Variants in IFT25 observed in about 807,000 individuals in gnomAD.
IFT25 encodes intraflagellar transport 25.
chr1:53,914,495 T>C, the IFT25 span, among the ~76,000 whole-genome samples: 1 of 152,010 alleles, frequency 6.6e-6, no homozygotes, highest in Non-Finnish European at 1.5e-5. Context: ...ATAAAATTCA[T>C]ATCCCATTAT....
the IFT25 span, among the ~76,000 whole-genome samples, chr1:53,943,717 G>A: frequency 6.6e-6 from 1 of 151,924 alleles, no homozygotes; most frequent in Admixed American, 6.6e-5. Flanking sequence ...TCTGCCTCCC[G>A]GGCTCAAGCG....
chr1:53,926,472 AAAT>A, the IFT25 span, among the ~76,000 whole-genome samples: 2 of 152,216 alleles, frequency 1.3e-5, no homozygotes, highest in African/African-American at 4.8e-5. Context: ...ATCCATTTCT[AAAT>A]AATAATTCTT....
the IFT25 span, chr1:53,928,302 T>G: frequency 1.2e-4 from 144 of 1,222,654 alleles, no homozygotes; most frequent in Middle Eastern, 1.9e-4. Flanking sequence ...TGCAGCTAGA[T>G]GAGAAATGCA....
chr1:53,914,627 CTGAT>C, the IFT25 span, among the ~76,000 whole-genome samples: 1 of 152,006 alleles, frequency 6.6e-6, no homozygotes, highest in African/African-American at 2.4e-5. Flanking sequence ...ATTCCTTTAT[CTGAT>C]TATTAGGCTA....
chr1:53,925,327 T>A, the IFT25 span, among the ~76,000 whole-genome samples: 3 of 152,286 alleles, frequency 2.0e-5, no homozygotes, highest in African/African-American at 7.2e-5. Context: ...AAATTAATAA[T>A]AAACTTTTTC....
chr1:53,925,444 A>G, the IFT25 span, among the ~76,000 whole-genome samples: 1 of 151,470 alleles, frequency 6.6e-6, no homozygotes, highest in Non-Finnish European at 1.5e-5. Flanking sequence ...GCAGATCACA[A>G]GGTCAGGAGA....
chr1:53,931,652 G>A, the IFT25 span, among the ~76,000 whole-genome samples: 1 of 152,126 alleles, frequency 6.6e-6, no homozygotes, highest in Non-Finnish European at 1.5e-5. Flanking sequence ...AAATGTATTA[G>A]CTTAAATTTG....
chr1:53,933,096 G>C, the IFT25 span, among the ~76,000 whole-genome samples: 1 of 150,224 alleles, frequency 6.7e-6, no homozygotes, highest in Admixed American at 6.6e-5. Context: ...CTATTATTAG[G>C]TCCATATACA....
the IFT25 span, among the ~76,000 whole-genome samples, chr1:53,933,804 C>G: frequency 6.6e-6 from 1 of 152,108 alleles, no homozygotes; most frequent in Non-Finnish European, 1.5e-5. Flanking sequence ...TGTTTCTTCT[C>G]TCCTGTTTCT....
the IFT25 span, among the ~76,000 whole-genome samples, chr1:53,912,729 A>G: frequency 6.6e-6 from 1 of 152,166 alleles, no homozygotes; most frequent in East Asian, 1.9e-4. Flanking sequence ...TTCAATTCCA[A>G]TCCTTTTGTT....
At chr1:53,937,445 TAC>T in the IFT25 span, among the ~76,000 whole-genome samples, 1 of 152,178 alleles carries the variant, frequency 6.6e-6, no homozygotes, top group South Asian at 2.1e-4. Flanking sequence ...GTCTACAATA[TAC>T]AGTCTAATTA....
the IFT25 span, chr1:53,945,920 G>C: frequency 9.9e-6 from 1 of 100,942 alleles, no homozygotes; most frequent in Admixed American, 1.0e-4. Flanking sequence ...GGGCGCGCTC[G>C]CTCCTACCCC....
the IFT25 span, chr1:53,929,523 T>C: frequency 6.6e-6 from 1 of 152,262 alleles, no homozygotes; most frequent in East Asian, 1.9e-4. Context: ...TTTAAATAAA[T>C]AGGATTAGAA....
the IFT25 span, among the ~76,000 whole-genome samples, chr1:53,920,393 CTTTT>C: frequency 1.5e-5 from 2 of 136,074 alleles, no homozygotes; most frequent in South Asian, 2.3e-4. Flanking sequence ...TCAAATTGCC[CTTTT>C]TTTTTTTTTT....
the IFT25 span, among the ~76,000 whole-genome samples, chr1:53,943,990 T>A: frequency 6.6e-6 from 1 of 152,250 alleles, no homozygotes; most frequent in Non-Finnish European, 1.5e-5. Context: ...GGAAAGAATG[T>A]ACTCTCCAAA....
chr1:53,939,985 C>T, the IFT25 span: 1 of 1,548,510 alleles, frequency 6.5e-7, no homozygotes, highest in East Asian at 2.2e-5. Context: ...TAACTCTTAC[C>T]CATCAATGAT....
At chr1:53,939,826 CAATT>C in the IFT25 span, 91 of 594,568 alleles carry the variant, frequency 1.5e-4, no homozygotes, top group Non-Finnish European at 1.6e-4. Flanking sequence ...ATACACAACT[CAATT>C]AGTTTCAGAA....
the IFT25 span, among the ~76,000 whole-genome samples, chr1:53,918,619 T>C: frequency 1.3e-5 from 2 of 152,212 alleles, no homozygotes; most frequent in Non-Finnish European, 2.9e-5. Flanking sequence ...TGGCTACTAG[T>C]GTATTTGATT....
the IFT25 span, chr1:53,928,446 A>G: frequency 8.1e-6 from 13 of 1,601,044 alleles, no homozygotes; most frequent in African/African-American, 1.3e-5. Flanking sequence ...CTGTACTAAC[A>G]TTGTAAACAA....
Sources: allele counts gnomAD v4.1 joint callset (sites outside exome capture counted in the v4.1 genomes callset), GRCh38; gene constraint gnomAD v4.1.1; transcripts MANE v1.5; gene names NCBI Gene and HGNC (gene_info 2026-07-23, HGNC 2026-07-21).